The following CUL5 variants were observed in gnomAD, a reference collection of about 807,000 sequenced individuals.
The protein encoded by CUL5 is cullin-5.
CUL5 carries 26 observed loss-of-function variants against 108.8 expected under a neutral mutation model. The ratio of observed to expected loss-of-function variants is 0.24; its 90% CI spans 0.18 to 0.33. The LOEUF is 0.33. Among genes scored for constraint, CUL5 ranks in the 10% least tolerant of loss-of-function variants. The pLI is 1.00. For synonymous variants in CUL5, 334 were observed against 298.0 expected (o/e 1.12, Z -1.25); for missense variants, 524 against 909.2 (o/e 0.58, Z 5.45).
At chr11:108,067,400 C>T (rs1267330170) in intron 7 of CUL5, among the ~76,000 whole-genome samples, 2 of 152,084 alleles carry the variant, frequency 1.3e-5, no homozygotes, top group African/African-American at 4.8e-5. Flanking sequence ...TCGTTGTAAC[C>T]CACCATAAGA....
At chr11:108,023,552 A>C (rs1862378710) in intron 1 of CUL5, among the ~76,000 whole-genome samples, 1 of 152,006 alleles carries the variant, frequency 6.6e-6, no homozygotes, top group African/African-American at 2.4e-5. Flanking sequence ...AAGAAAAAAA[A>C]CAAAGAATAT....
chr11:108,070,680 A>G (rs1006374187), intron 8 of CUL5, among the ~76,000 whole-genome samples: 2 of 152,142 alleles, frequency 1.3e-5, no homozygotes, highest in Non-Finnish European at 2.9e-5. Context: ...GGTAGCAAGT[A>G]TATAACAAAC....
At chr11:108,060,716 A>C (rs1180394037) in intron 7 of CUL5, among the ~76,000 whole-genome samples, 1 of 152,094 alleles carries the variant, frequency 6.6e-6, no homozygotes, top group African/African-American at 2.4e-5. Context: ...GCGTGCCTGT[A>C]ATCTCAGCTA....
Position 108,091,695 on chromosome 11 carries a change from TCACACACA to T in CUL5, c.1443+2102_1443+2109del, listed in dbSNP as rs71303233. 2.9e-3 allele frequency among the ~76,000 whole-genome samples: 402 copies of T among 138,188 alleles called. 3 individuals are homozygous for T. The highest frequency in any genetic ancestry group is 0.01 in the African/African-American group (370 of 36,120). 90.7% of individuals were successfully genotyped at this position (138,188 alleles called of 152,430 possible). A position where few individuals can be genotyped will look rare whatever the true frequency, so the allele number is the denominator to read the frequency against. On this transcript the variant is annotated intron_variant, in intron 13 of 18. Coordinates refer to ENST00000393094, the MANE Select transcript of CUL5 (RefSeq NM_003478.6). Reference sequence around the variant, plus strand: ...CAGAGTCAGATCCTGTCTCTCTCACTCACACACACACACACACACACACACACACACAC... The same window carrying T: ...CAGAGTCAGATCCTGTCTCTCTCACTCACACACACACACACACACACACAC...
intron 7 of CUL5, among the ~76,000 whole-genome samples, chr11:108,059,815 C>T (rs968396541): frequency 7.3e-5 from 11 of 150,800 alleles, no homozygotes; most frequent in African/African-American, 2.2e-4. Context: ...ACCCAGGAGG[C>T]GGAGGTTGCA....
intron 18 of CUL5, among the ~76,000 whole-genome samples, chr11:108,099,954 C>T (rs1445445343): frequency 6.6e-6 from 1 of 151,238 alleles, no homozygotes; most frequent in Non-Finnish European, 1.5e-5. Flanking sequence ...TCAGCCTTCC[C>T]AGTAGCTGGG....
At chr11:108,054,105 C>T (rs1167341615) in intron 5 of CUL5, among the ~76,000 whole-genome samples, 1 of 152,158 alleles carries the variant, frequency 6.6e-6, no homozygotes, top group Admixed American at 6.6e-5. Context: ...CTTGGCCTCC[C>T]GCAGTGCTGG....
chr11:108,095,797 T>C, intron 16 of CUL5, 106 bp downstream of exon 16: 4 of 1,100,484 alleles, frequency 3.6e-6, no homozygotes, highest in Non-Finnish European at 5.2e-6. Context: ...TCAGAATGTC[T>C]TATCAAGAAA....
intron 1 of CUL5, among the ~76,000 whole-genome samples, chr11:108,022,509 G>A (rs915925920): frequency 6.6e-6 from 1 of 151,888 alleles, no homozygotes; most frequent in African/African-American, 2.4e-5. Context: ...TTCAGTGGGG[G>A]ATATGCATTT....
chr11:108,049,124 A>G (rs553057677), intron 3 of CUL5, among the ~76,000 whole-genome samples: 3 of 152,152 alleles, frequency 2.0e-5, no homozygotes, highest in African/African-American at 7.2e-5. Flanking sequence ...AAGAAATCCT[A>G]TACCTATGAA....
chr11:108,046,107 A>G lies in CUL5; in HGVS notation c.135-163A>G, dbSNP rs371049503. ...AAAATAAAAATAGAAACAAATGTGT[A>G]TGTGAGGCAATTACAAGCGTACTTG... On this transcript the variant is annotated intron_variant, in intron 2 of 18. Transcript: ENST00000393094. Among the ~76,000 whole-genome samples the G allele has an allele frequency of 3.9e-5, 6 of 152,330 alleles. No individual in the cohort carries two copies. In the East Asian group the frequency reaches 1.2e-3, roughly 29 times the overall value.
intron 7 of CUL5, among the ~76,000 whole-genome samples, chr11:108,061,478 A>G (rs1203488328): frequency 6.6e-6 from 1 of 152,168 alleles, no homozygotes; most frequent in Non-Finnish European, 1.5e-5. Context: ...AAAGCTTTGT[A>G]ATGAAAGTTT....
At chr11:108,090,039 C>CA (rs35375054) in intron 13 of CUL5, among the ~76,000 whole-genome samples, 104,163 of 148,266 alleles carry the variant, frequency 0.7, 37,763 homozygotes, top group East Asian at 0.93. Context: ...GACTCCATTT[C>CA]AAAAAAAAAA....
At chr11:108,025,373 G>GT (rs1862428539) in intron 1 of CUL5, among the ~76,000 whole-genome samples, 1 of 152,068 alleles carries the variant, frequency 6.6e-6, no homozygotes, top group South Asian at 2.1e-4. Context: ...GTGAGTATAT[G>GT]TTTTAGGGGC....
chr11:108,076,365 C>A (rs1863939946), intron 10 of CUL5, among the ~76,000 whole-genome samples: 1 of 152,152 alleles, frequency 6.6e-6, no homozygotes, highest in African/African-American at 2.4e-5. Context: ...AGTTCTCATG[C>A]TGTACATTAG....
intron 4 of CUL5, among the ~76,000 whole-genome samples, chr11:108,052,375 C>T (rs1043608278): frequency 4.6e-5 from 7 of 152,250 alleles, no homozygotes; most frequent in Admixed American, 1.3e-4. Context: ...AGGGCAGTGG[C>T]GTGGTCTCGG....
At chr11:108,079,269 A>G (rs1864011809) in intron 11 of CUL5, among the ~76,000 whole-genome samples, 1 of 151,760 alleles carries the variant, frequency 6.6e-6, no homozygotes, top group Non-Finnish European at 1.5e-5. Flanking sequence ...ATGCCTGGCT[A>G]ATTTTTTTGT....
At chr11:108,029,504 C>A (rs184278091) in intron 1 of CUL5, among the ~76,000 whole-genome samples, 1 of 152,156 alleles carries the variant, frequency 6.6e-6, no homozygotes, top group Non-Finnish European at 1.5e-5. Flanking sequence ...TCAGTGAAAA[C>A]GTACATAAAT....
chr11:108,055,603 CCTGA>C (rs1030619753), intron 7 of CUL5, among the ~76,000 whole-genome samples: 68 of 151,052 alleles, frequency 4.5e-4, no homozygotes, highest in African/African-American at 1.6e-3. Context: ...CGTCACCCTG[CCTGA>C]CTAATAAATA....
Sources: gnomAD v4.1 joint callset for allele counts (sites outside exome capture counted in the v4.1 genomes callset) on GRCh38, gnomAD v4.1.1 for gene constraint, MANE v1.5 for transcripts, NCBI Gene and HGNC (gene_info 2026-07-23, HGNC 2026-07-21) for gene names.